TATDN2: variants seen among roughly 807,000 people sequenced by gnomAD.
TATDN2 encodes the protein 3'-5' RNA nuclease TATDN2.
In TATDN2, 44 loss-of-function variants were observed where a neutral mutation model predicts 60.3. That is an observed-to-expected ratio of 0.73 (90% CI 0.57 to 0.94). TATDN2 has a LOEUF of 0.94. Ranked by LOEUF, TATDN2 falls within the 40% of genes least tolerant of loss-of-function variation. The pLI, the probability that TATDN2 is intolerant of heterozygous loss-of-function variation, is 0.00. For missense variants in TATDN2, 997 were observed against 948.0 expected (o/e 1.05, Z -0.68); for synonymous variants, 399 against 355.8 (o/e 1.12, Z -1.37).
Position 10,271,034 on chromosome 3 carries a change from G to A in TATDN2, c.1833+19G>A, listed in dbSNP as rs1341392211. 6.6e-7 allele frequency: 1 copy of A among 1,523,486 alleles called. No individual in the cohort carries two copies. The highest frequency in any genetic ancestry group is 8.7e-7 in the Non-Finnish European group (1 of 1,142,976). The allele number at this position is 1,523,486 out of a possible 1,614,324, so 94.4% of individuals were successfully genotyped here. The stretch of plus-strand genomic sequence containing the variant: ...GCACAAGGTAACAAGGCTCTCTTTA[G>A]TCTGCTTATAGTTTTAATTTTTCTT... On this transcript the variant is annotated intron_variant, in intron 4 of 7. Coordinates refer to ENST00000448281, the MANE Select transcript of TATDN2 (RefSeq NM_014760.4).
At chr3:10,249,796 GAAGTT>G (rs1003976208) in intron 2 of TATDN2, among the ~76,000 whole-genome samples, 182 bp downstream of exon 2, 2 of 152,226 alleles carry the variant, frequency 1.3e-5, no homozygotes, top group African/African-American at 4.8e-5. Flanking sequence ...CGCGTGGCCT[GAAGTT>G]AAGTAGAGAG....
At chr3:10,257,306 A>T (rs1422661383) in intron 2 of TATDN2, among the ~76,000 whole-genome samples, 4 of 148,164 alleles carry the variant, frequency 2.7e-5, no homozygotes, top group Non-Finnish European at 5.9e-5. Flanking sequence ...ATATATATAT[A>T]TATATATGAA....
intron 5 of TATDN2, 71 bp downstream of exon 5, chr3:10,276,559 TG>T: frequency 1.3e-6 from 2 of 1,586,516 alleles, no homozygotes; most frequent in Non-Finnish European, 1.7e-6. Context: ...AGGACAGCAA[TG>T]ATCGTATTCT....
At position 10,279,857 on chromosome 3, in the gene TATDN2, A is replaced by G. The variant is rs190061024; in HGVS notation, c.*675A>G. The G allele has an allele frequency of 6.5e-6, 1 of 153,540 alleles. No homozygotes were observed. The highest frequency in any genetic ancestry group is 1.9e-4 in the East Asian group (1 of 5,162). The allele number at this position is 153,540 out of a possible 1,614,324, so 9.5% of individuals were successfully genotyped here. On this transcript the variant is annotated 3_prime_UTR_variant, in exon 8 of 8. Coordinates refer to ENST00000448281, the MANE Select transcript of TATDN2 (RefSeq NM_014760.4). The stretch of plus-strand genomic sequence containing the variant: ...GGGTGCAGAGGAGCACTCATTGTCC[A>G]TGATGGAGATCCAGGACAGACTGGG...
chr3:10,264,241 C>T (rs1698447932), intron 3 of TATDN2, among the ~76,000 whole-genome samples: 1 of 152,166 alleles, frequency 6.6e-6, no homozygotes, highest in Non-Finnish European at 1.5e-5. Context: ...TCCCAAGGTG[C>T]CCAGTACCGC....
intron 2 of TATDN2, among the ~76,000 whole-genome samples, chr3:10,250,832 C>T (rs1457047794): frequency 1.3e-5 from 2 of 152,188 alleles, no homozygotes; most frequent in Non-Finnish European, 2.9e-5. Context: ...TTAATCTTGC[C>T]ATTAATCCTT....
intron 3 of TATDN2, among the ~76,000 whole-genome samples, chr3:10,267,248 C>T (rs1192022999): frequency 6.6e-6 from 1 of 150,632 alleles, no homozygotes; most frequent in African/African-American, 2.5e-5. Context: ...CGGCAGTCTC[C>T]TCCTATTTCC....
chr3:10,271,146 C>A, intron 4 of TATDN2, 131 bp downstream of exon 4: 1 of 1,129,618 alleles, frequency 8.9e-7, no homozygotes, highest in Non-Finnish European at 1.2e-6. Flanking sequence ...TGCTTGCTCT[C>A]ATCCAGACCA....
intron 2 of TATDN2, among the ~76,000 whole-genome samples, chr3:10,251,227 G>A (rs1698229238): frequency 1.3e-5 from 2 of 152,092 alleles, no homozygotes; most frequent in Admixed American, 6.6e-5. Flanking sequence ...AGGAGTGGTC[G>A]CATGACTGCC....
At position 10,249,538 on chromosome 3, in the gene TATDN2, G is replaced by A. The variant is rs61730109; in HGVS notation, c.338G>A (p.Gly113Glu). 99 of 1,594,362 alleles carry A rather than the reference G, an allele frequency of 6.2e-5. No individual in the cohort carries two copies. Among genetic ancestry groups the A allele is most frequent in the Non-Finnish European group, 8.1e-5 (95 of 1,170,948 alleles). ...AACACTCGGGGGTTCCTGTCTTCAG[G>A]GGGATCCCCTCTGCGTCCTGCCAAC... Reference protein sequence around the residue: ...IRNTRGFLSSGGSPLRPANAS... With the variant: ...IRNTRGFLSSEGSPLRPANAS... Residue 113 changes from glycine to glutamate, a missense_variant, in exon 2 of 8, where the codon GGG (glycine) becomes GAG (glutamate). Coordinates refer to ENST00000448281, the MANE Select transcript of TATDN2 (RefSeq NM_014760.4).
At chr3:10,266,595 A>G (rs1158776947) in intron 3 of TATDN2, among the ~76,000 whole-genome samples, 1 of 152,234 alleles carries the variant, frequency 6.6e-6, no homozygotes, top group African/African-American at 2.4e-5. Flanking sequence ...AAGCTAATAC[A>G]GGGTCAGATG....
Position 10,269,578 on chromosome 3 carries a change from G to A in TATDN2, c.949-553G>A, listed in dbSNP as rs146692767. Among the ~76,000 whole-genome samples the A allele has an allele frequency of 1.9e-3, 295 of 152,230 alleles. 1 individual carries two copies. Among genetic ancestry groups the A allele is most frequent in the Non-Finnish European group, 3.6e-3 (243 of 68,022 alleles). Reference sequence around the variant, plus strand: ...TAGCCAGATGTGGTGGTGCGTGCCTGTAGTCCCAGCTACTTGGATGGCTGA... The same window carrying A: ...TAGCCAGATGTGGTGGTGCGTGCCTATAGTCCCAGCTACTTGGATGGCTGA... On this transcript the variant is annotated intron_variant, in intron 3 of 7. Transcript: ENST00000448281.
chr3:10,262,735 A>G (rs779237382), intron 3 of TATDN2, among the ~76,000 whole-genome samples: 1 of 150,430 alleles, frequency 6.6e-6, no homozygotes, highest in Non-Finnish European at 1.5e-5. Context: ...GAGTTTCATC[A>G]TGTTGGCCAG....
intron 3 of TATDN2, among the ~76,000 whole-genome samples, chr3:10,261,783 T>A (rs1459114682): frequency 6.6e-6 from 1 of 152,248 alleles, no homozygotes; most frequent in Non-Finnish European, 1.5e-5. Flanking sequence ...TAATCTTTAC[T>A]GTTGATCAGT....
chr3:10,278,157 T>C lies in TATDN2; in HGVS notation c.1962-122T>C. The C allele has an allele frequency of 8.4e-7, 1 of 1,187,268 alleles. No individual in the cohort carries two copies. Among genetic ancestry groups the C allele is most frequent in the Non-Finnish European group, 1.2e-6 (1 of 836,976 alleles). The allele number at this position is 1,187,268 out of a possible 1,614,324, so 73.5% of individuals were successfully genotyped here. ...CTTGTCTGTGTTTACTGTGGAGTCC[T>C]TCCCTAGGATGCAGTCTTTCCATTT... is the stretch of plus-strand genomic sequence containing the variant. On this transcript the variant is annotated intron_variant, in intron 5 of 7. Coordinates refer to ENST00000448281, the MANE Select transcript of TATDN2 (RefSeq NM_014760.4). This position sits in a 1 kb window ranked among gnomAD's most constrained non-coding sequence, Gnocchi z 4.7.
intron 2 of TATDN2, among the ~76,000 whole-genome samples, chr3:10,257,294 T>TTA (rs3072531): frequency 0.073 from 9,725 of 133,480 alleles, 476 homozygotes; most frequent in African/African-American, 0.12. Context: ...CAAAAAAAAA[T>TTA]TATATATATA....
At position 10,249,178 on chromosome 3, in the gene TATDN2, C is replaced by T. The variant is rs776469523; in HGVS notation, c.-6-17C>T. 58 of 1,495,930 alleles carry T rather than the reference C, an allele frequency of 3.9e-5. No homozygotes were observed. Among genetic ancestry groups the T allele is most frequent in the Admixed American group, 2.4e-4 (10 of 42,384 alleles). 92.7% of individuals were successfully genotyped at this position (1,495,930 alleles called of 1,614,324 possible). On this transcript the variant is annotated splice_polypyrimidine_tract_variant and intron_variant, in intron 1 of 7. Coordinates refer to ENST00000448281, the MANE Select transcript of TATDN2 (RefSeq NM_014760.4). ...AGGAAGGGTGGTGTTGGAATCCAGG[C>T]CCCCTGTACCTTGCAGGTGCCCATG... is the stretch of plus-strand genomic sequence containing the variant.
intron 3 of TATDN2, among the ~76,000 whole-genome samples, chr3:10,267,898 AAAAC>A (rs1186677099): frequency 7.9e-5 from 12 of 152,290 alleles, no homozygotes; most frequent in Admixed American, 7.9e-4. Flanking sequence ...GCAGGGAAAA[AAAAC>A]AAAACAGAAC....
intron 3 of TATDN2, among the ~76,000 whole-genome samples, chr3:10,261,733 CT>C (rs1656384004): frequency 6.6e-6 from 1 of 152,218 alleles, no homozygotes; most frequent in South Asian, 2.1e-4. Flanking sequence ...CTTCTCTCAT[CT>C]TTAGCTCTTT....
Sources: allele counts gnomAD v4.1 joint callset (sites outside exome capture counted in the v4.1 genomes callset), GRCh38; gene constraint gnomAD v4.1.1; non-coding constraint Gnocchi (gnomAD v3.1); transcripts MANE v1.5; gene names NCBI Gene and HGNC (gene_info 2026-07-23, HGNC 2026-07-21).